The following ENKUR variants were observed in gnomAD, a reference collection of about 807,000 sequenced individuals.
ENKUR encodes the protein enkurin.
In ENKUR, 19 loss-of-function variants were observed where a neutral mutation model predicts 27.6. The observed-to-expected ratio is 0.69, with a 90% CI of 0.48 to 1.01. The LOEUF (loss-of-function observed/expected upper bound fraction) is 1.01, where lower values mean the gene tolerates loss of function less well. ENKUR is among the 50% of genes least tolerant of loss of function. The pLI is 0.00. For synonymous variants in ENKUR, 117 were observed against 96.9 expected (o/e 1.21, Z -1.22); for missense variants, 312 against 310.5 (o/e 1.00, Z -0.04).
intron 2 of ENKUR, among the ~76,000 whole-genome samples, chr10:25,037,090 T>G (rs77734896): frequency 0.014 from 2,078 of 152,300 alleles, 49 homozygotes; most frequent in African/African-American, 0.047. Context: ...TCACTTTGCC[T>G]GGAACAAAGA....
chr10:24,991,329 G>T (rs1849923402), intron 3 of ENKUR, among the ~76,000 whole-genome samples: 1 of 151,990 alleles, frequency 6.6e-6, no homozygotes, highest in African/African-American at 2.4e-5. Context: ...ATATTTTGAA[G>T]TCTCTTTTTC....
intron 1 of ENKUR, among the ~76,000 whole-genome samples, chr10:25,005,601 T>C (rs529526108): frequency 1.3e-5 from 2 of 152,364 alleles, no homozygotes; most frequent in African/African-American, 4.8e-5. Context: ...TAGAAAGCTA[T>C]CCAAATTATT....
At chr10:25,055,359 C>T (rs1014728068) in intron 2 of ENKUR, among the ~76,000 whole-genome samples, 6 of 151,958 alleles carry the variant, frequency 3.9e-5, no homozygotes, top group African/African-American at 1.4e-4. Context: ...TAGTTTTCAG[C>T]CTTCACTGGT....
intron 2 of ENKUR, among the ~76,000 whole-genome samples, chr10:25,029,972 C>T (rs577420958): frequency 4.1e-4 from 62 of 152,298 alleles, no homozygotes; most frequent in South Asian, 2.5e-3. Context: ...AAAATCAGAA[C>T]TCTTTGTTTC....
At chr10:25,046,164 A>G (rs1851119648) in intron 2 of ENKUR, among the ~76,000 whole-genome samples, 1 of 152,238 alleles carries the variant, frequency 6.6e-6, no homozygotes, top group East Asian at 1.9e-4. Flanking sequence ...TTATAACTCA[A>G]TCTGGCTGTT....
chr10:25,045,326 C>A (rs1851110845), intron 2 of ENKUR, among the ~76,000 whole-genome samples: 1 of 152,236 alleles, frequency 6.6e-6, no homozygotes, highest in Admixed American at 6.5e-5. Context: ...CTGCCCTATG[C>A]TTTTCTTTTG....
At chr10:25,028,988 C>T (rs908240015) in intron 2 of ENKUR, among the ~76,000 whole-genome samples, 7 of 152,162 alleles carry the variant, frequency 4.6e-5, no homozygotes, top group Admixed American at 3.3e-4. Context: ...CCAAATTCAT[C>T]CATTCAGATG....
At chr10:25,024,263 C>T in intron 2 of ENKUR, 1 of 1,614,206 alleles carries the variant, frequency 6.2e-7, no homozygotes, top group Non-Finnish European at 8.5e-7. Context: ...CATGGACCAA[C>T]AGGATCATTT....
chr10:25,016,800 G>T, upstream of ENKUR: 1 of 152,568 alleles, frequency 6.6e-6, no homozygotes, highest in Admixed American at 6.5e-5. Context: ...GTGAGTTATT[G>T]GAGGAGAAAG....
chr10:24,990,433 A>G (rs1442376240), intron 4 of ENKUR, 30 bp downstream of exon 4: 3 of 1,592,260 alleles, frequency 1.9e-6, no homozygotes, highest in Non-Finnish European at 1.7e-6. Context: ...CCAAAGAGTT[A>G]CAGATGAATG....
rs538628730 is a variant in ENKUR, at chr10:25,034,405, A to G, written c.37+26707T>C. ...ACATAGTTTTCTAGTCTAACAAAAA[A>G]GATGTGAAAAAAATAGTATTTCTAC... On this transcript the variant is annotated intron_variant, in intron 2 of 5. Coordinates refer to the ENKUR transcript ENST00000615958. 7.2e-5 allele frequency among the ~76,000 whole-genome samples: 11 copies of G among 152,328 alleles called. No individual in the cohort carries two copies. The South Asian group carries it at 8.3e-4, about 11-fold the overall frequency.
intron 2 of ENKUR, chr10:25,023,149 T>TTTTTGTTTTGTGTTTTGTGTTTTG: frequency 7.0e-7 from 1 of 1,436,622 alleles, no homozygotes; most frequent in Non-Finnish European, 9.4e-7. Flanking sequence ...CTTTTGTTGT[T>TTTTTGTTTTGTGTTTTGTGTTTTG]TTTTGTTTGT....
chr10:25,016,648 C>G (rs116453055), upstream of ENKUR: 2 of 152,472 alleles, frequency 1.3e-5, no homozygotes, highest in Admixed American at 1.3e-4. Context: ...CAGGCACAGG[C>G]GCAGAGTCCA....
At chr10:25,022,857 T>C (rs1316831105) in intron 2 of ENKUR, among the ~76,000 whole-genome samples, 1 of 152,202 alleles carries the variant, frequency 6.6e-6, no homozygotes, top group African/African-American at 2.4e-5. Context: ...TTTGATTTAG[T>C]GTATATATAC....
chr10:25,015,920 G>C lies in ENKUR; in HGVS notation c.17C>G (p.Ser6Cys). MDPTC[S>C]SECIYNLIPS... ...TATGAGGTTATAAATGCACTCAGAA[G>C]AGCACGTTGGATCCATGGCCACCAA... Residue 6 changes from serine to cysteine, a missense_variant, in exon 1 of 6, where the codon TCT becomes TGT. Transcript: ENST00000331161. 6.2e-7 allele frequency: 1 copy of C among 1,608,154 alleles called. No individual in the cohort carries two copies. Among genetic ancestry groups the C allele is most frequent in the Admixed American group, 1.7e-5 (1 of 59,242 alleles).
chr10:25,042,205 AAG>A (rs1020531029), intron 2 of ENKUR, among the ~76,000 whole-genome samples: 12 of 152,120 alleles, frequency 7.9e-5, no homozygotes, highest in East Asian at 1.9e-4. Context: ...TATAGGGAGA[AAG>A]AGAGAAAGAT....
intron 1 of ENKUR, among the ~76,000 whole-genome samples, chr10:25,005,464 T>C: frequency 6.8e-6 from 1 of 146,300 alleles, no homozygotes; most frequent in East Asian, 1.9e-4. Flanking sequence ...TTAATTGAGA[T>C]TTTTTTTTCC....
At chr10:25,037,840 G>T (rs372803038) in intron 2 of ENKUR, among the ~76,000 whole-genome samples, 1 of 152,040 alleles carries the variant, frequency 6.6e-6, no homozygotes, top group Non-Finnish European at 1.5e-5. Context: ...TTTATATGCC[G>T]TTTATGACTC....
chr10:24,998,117 TGA>T (rs1175568674), intron 2 of ENKUR, among the ~76,000 whole-genome samples: 2 of 152,104 alleles, frequency 1.3e-5, no homozygotes, highest in Non-Finnish European at 2.9e-5. Flanking sequence ...AGATATGGGT[TGA>T]GAGAGGATTT....
Sources: gnomAD v4.1 joint callset for allele counts (sites outside exome capture counted in the v4.1 genomes callset) on GRCh38, gnomAD v4.1.1 for gene constraint, MANE v1.5 for transcripts, NCBI Gene and HGNC (gene_info 2026-07-23, HGNC 2026-07-21) for gene names.